The following ADORA2B variants were observed in gnomAD, a reference collection of about 807,000 sequenced individuals.
ADORA2B encodes adenosine receptor A2b.
A neutral mutation model predicts 20.8 loss-of-function variants in ADORA2B; 18 were observed. That is an observed-to-expected ratio of 0.87 (90% CI 0.60 to 1.29). The LOEUF is 1.29. Ranked by LOEUF, ADORA2B falls within the 50% of genes most tolerant of loss-of-function variation. The probability of loss-of-function intolerance (pLI) is 0.00; values close to 1 mark genes in which losing one functional copy is unlikely to be tolerated. For synonymous variants in ADORA2B, 179 were observed against 178.3 expected (o/e 1.00, Z -0.03); for missense variants, 441 against 422.7 (o/e 1.04, Z -0.38).
rs1969785464 is a variant in ADORA2B, at chr17:15,945,294, G to C, written c.46G>C (p.Val16Leu). The C allele has an allele frequency of 6.4e-7, 1 of 1,554,766 alleles. No homozygotes were observed. ...QDALYVALEL[V>L]IAALSVAGNV... ...CGCGCTGTACGTGGCGCTGGAGCTG[G>C]TCATCGCCGCGCTTTCGGTGGCGGG... The change falls in exon 1 of 2, where the codon GTC becomes CTC. Residue 16 changes from valine to leucine, a missense_variant. Val to Leu is a conservative substitution (Grantham distance 32, BLOSUM62 1). Transcript: ENST00000304222.
chr17:15,975,412 A>C lies in ADORA2B; in HGVS notation c.*70A>C. ...AACAAAGAGGACACGGCTGGTTTTC[A>C]TTGTGAAAGATAGCTACACCTCACA... On this transcript the variant is annotated 3_prime_UTR_variant, in exon 2 of 2. Coordinates refer to ENST00000304222, the MANE Select transcript of ADORA2B (RefSeq NM_000676.4). The C allele has an allele frequency of 3.4e-6, 5 of 1,486,714 alleles. No individual in the cohort carries two copies. The highest frequency in any genetic ancestry group is 4.5e-6 in the Non-Finnish European group (5 of 1,100,420). 92.1% of individuals were successfully genotyped at this position (1,486,714 alleles called of 1,614,324 possible). A position where few individuals can be genotyped will look rare whatever the true frequency, so the allele number is the denominator to read the frequency against.
At chr17:15,951,540 A>G (rs1343442279) in intron 1 of ADORA2B, among the ~76,000 whole-genome samples, 2 of 152,236 alleles carry the variant, frequency 1.3e-5, no homozygotes, top group Non-Finnish European at 2.9e-5. Context: ...GCTGTTTATA[A>G]TCCTGCTGGG....
rs773110698 is a variant in ADORA2B, at chr17:15,945,459, T to C, written c.211T>C (p.Phe71Leu). ...CTTTGCCATCACCATCAGCCTGGGC[T>C]TCTGCACTGACTTCTACGGCTGCCT... is the stretch of plus-strand genomic sequence containing the variant. ...IPFAITISLG[F>L]CTDFYGCLFL... Residue 71 changes from phenylalanine to leucine, a missense_variant, in exon 1 of 2, where the codon TTC (phenylalanine) becomes CTC (leucine). Physicochemically the swap from Phe to Leu is conservative, Grantham distance 22. Transcript: ENST00000304222. 6.2e-7 allele frequency: 1 copy of C among 1,613,674 alleles called. No homozygotes were observed. Among genetic ancestry groups the C allele is most frequent in the South Asian group, 1.1e-5 (1 of 91,062 alleles).
chr17:15,928,706 T>A, the ADORA2B span, among the ~76,000 whole-genome samples: 1 of 151,998 alleles, frequency 6.6e-6, no homozygotes, highest in Non-Finnish European at 1.5e-5. Flanking sequence ...GTCAGGTGTG[T>A]TGGAGGGAAA....
chr17:15,974,118 T>G (rs1970218844), intron 1 of ADORA2B: 1 of 152,716 alleles, frequency 6.5e-6, no homozygotes, highest in Non-Finnish European at 1.5e-5. Context: ...GCTGGATTGG[T>G]TATAGCTCAG....
chr17:15,969,314 TGTG>T (rs1300459818), intron 1 of ADORA2B, among the ~76,000 whole-genome samples: 1 of 151,460 alleles, frequency 6.6e-6, no homozygotes, highest in African/African-American at 2.4e-5. Flanking sequence ...AATAGCCGGG[TGTG>T]GTGGTGGGCG....
chr17:15,957,530 C>T (rs1417053064), intron 1 of ADORA2B, among the ~76,000 whole-genome samples: 1 of 152,242 alleles, frequency 6.6e-6, no homozygotes, highest in East Asian at 1.9e-4. Flanking sequence ...AAGAAGACTC[C>T]AGGATGACTC....
chr17:15,948,708 T>C (rs1433838347), intron 1 of ADORA2B, among the ~76,000 whole-genome samples: 1 of 152,082 alleles, frequency 6.6e-6, no homozygotes, highest in Non-Finnish European at 1.5e-5. Context: ...CGGGAGGGTT[T>C]AGTTGGCCGA....
At chr17:15,952,512 A>G (rs909925840) in intron 1 of ADORA2B, among the ~76,000 whole-genome samples, 2 of 152,126 alleles carry the variant, frequency 1.3e-5, no homozygotes, top group African/African-American at 4.8e-5. Context: ...CCATCATGTG[A>G]GCAGCTGGAG....
the ADORA2B span, among the ~76,000 whole-genome samples, chr17:15,879,044 CT>C: frequency 1.3e-5 from 2 of 152,082 alleles, no homozygotes; most frequent in African/African-American, 4.8e-5. Flanking sequence ...AGACATTTGG[CT>C]TGTGGTTGCT....
At chr17:15,970,075 C>A (rs2151609463) in intron 1 of ADORA2B, among the ~76,000 whole-genome samples, 1 of 152,348 alleles carries the variant, frequency 6.6e-6, no homozygotes, top group South Asian at 2.1e-4. Flanking sequence ...CTCAGTGCAT[C>A]CAGTTCATTT....
chr17:15,947,930 C>T (rs1482956457), intron 1 of ADORA2B, among the ~76,000 whole-genome samples: 2 of 152,182 alleles, frequency 1.3e-5, no homozygotes, highest in African/African-American at 4.8e-5. Flanking sequence ...AAGCTTTCCT[C>T]ACTTGACTGA....
the ADORA2B span, among the ~76,000 whole-genome samples, chr17:15,859,003 T>C: frequency 1.3e-5 from 2 of 152,294 alleles, no homozygotes; most frequent in East Asian, 3.9e-4. Flanking sequence ...GCTGATTTTT[T>C]TAAAGACATA....
chr17:15,906,802 T>C, the ADORA2B span, among the ~76,000 whole-genome samples: 1 of 152,252 alleles, frequency 6.6e-6, no homozygotes, highest in Admixed American at 6.5e-5. Flanking sequence ...TAATACAGCA[T>C]ACTCTCTTCT....
chr17:15,869,188 C>T, the ADORA2B span, among the ~76,000 whole-genome samples: 2 of 151,232 alleles, frequency 1.3e-5, no homozygotes, highest in East Asian at 1.9e-4. Context: ...GGCGTGGTGA[C>T]GCACAACTGT....
the ADORA2B span, among the ~76,000 whole-genome samples, chr17:15,888,708 A>G: frequency 8.5e-6 from 1 of 117,318 alleles, no homozygotes; most frequent in Admixed American, 8.7e-5. Context: ...AAAAAGGAGA[A>G]GGCGTTCCCT....
chr17:15,924,811 C>G, the ADORA2B span, among the ~76,000 whole-genome samples: 1 of 151,674 alleles, frequency 6.6e-6, no homozygotes, highest in Non-Finnish European at 1.5e-5. Context: ...TATCCTTTCC[C>G]TGTTTACCCC....
At position 15,945,394 on chromosome 17, in the gene ADORA2B, T is replaced by A; in HGVS notation, c.146T>A (p.Leu49Gln). 6.2e-7 allele frequency: 1 copy of A among 1,613,346 alleles called. No homozygotes were observed. The highest frequency in any genetic ancestry group is 8.5e-7 in the Non-Finnish European group (1 of 1,179,942). The change falls in exon 1 of 2, where the codon CTG (leucine) becomes CAG (glutamine). Residue 49 changes from leucine to glutamine, a missense_variant. By Grantham distance (113) the Leu-to-Gln change is moderately radical (BLOSUM62 -2). Transcript: ENST00000304222. Reference sequence around the variant, plus strand: ...CCCACCAACTACTTCCTGGTGTCCCTGGCTGCGGCCGACGTGGCCGTGGGG... The same window carrying A: ...CCCACCAACTACTTCCTGGTGTCCCAGGCTGCGGCCGACGTGGCCGTGGGG... ...QTPTNYFLVSLAAADVAVGLF... is the reference protein window; with the variant it reads ...QTPTNYFLVSQAAADVAVGLF...
chr17:15,914,611 C>T, the ADORA2B span, among the ~76,000 whole-genome samples: 1 of 152,240 alleles, frequency 6.6e-6, no homozygotes, highest in Non-Finnish European at 1.5e-5. Flanking sequence ...AGCCTCAGCT[C>T]CTGTGGGTCA....
Sources: allele counts gnomAD v4.1 joint callset (sites outside exome capture counted in the v4.1 genomes callset), GRCh38; gene constraint gnomAD v4.1.1; transcripts MANE v1.5; gene names NCBI Gene and HGNC (gene_info 2026-07-23, HGNC 2026-07-21).